Variants in DCHS2 observed in about 807,000 individuals in gnomAD.
The protein encoded by DCHS2 is dachsous cadherin-related 2.
Under a neutral mutation model 182.4 loss-of-function variants are expected in DCHS2, and 142 were observed. The ratio of observed to expected loss-of-function variants is 0.78; its 90% confidence interval spans 0.68 to 0.89. The LOEUF (loss-of-function observed/expected upper bound fraction) is 0.89. Ranked by LOEUF, DCHS2 falls within the 40% of genes least tolerant of loss-of-function variation. DCHS2 has a pLI of 0.00. For missense variants in DCHS2, 4,319 were observed against 4,198.6 expected (o/e 1.03, Z -0.79); for synonymous variants, 1,740 against 1,663.3 (o/e 1.05, Z -1.12).
At chr4:154,355,807 C>G (rs537173923) in intron 3 of DCHS2, 8 of 152,174 alleles carry the variant, frequency 5.3e-5, no homozygotes, top group Admixed American at 2.6e-4. Flanking sequence ...CATTACTCAT[C>G]TGCTTGTGGT....
At chr4:154,450,588 T>A (rs1734490546) in intron 1 of DCHS2, among the ~76,000 whole-genome samples, 1 of 152,100 alleles carries the variant, frequency 6.6e-6, no homozygotes, top group Non-Finnish European at 1.5e-5. Flanking sequence ...ATCCCAGCAC[T>A]TTGGGAGGCC....
At chr4:154,443,718 T>C (rs1287288196) in intron 1 of DCHS2, among the ~76,000 whole-genome samples, 3 of 152,250 alleles carry the variant, frequency 2.0e-5, no homozygotes, top group Non-Finnish European at 4.4e-5. Context: ...AGGATCATTC[T>C]TTCAGTATAC....
chr4:154,318,328 A>G (rs1181695503), intron 9 of DCHS2, among the ~76,000 whole-genome samples: 2 of 151,868 alleles, frequency 1.3e-5, no homozygotes, highest in African/African-American at 4.8e-5. Context: ...TTTTAAGAGA[A>G]AAAAAAGAAA....
chr4:154,245,806 T>C (rs936364772), intron 16 of DCHS2, among the ~76,000 whole-genome samples: 7 of 152,114 alleles, frequency 4.6e-5, no homozygotes, highest in Non-Finnish European at 8.8e-5. Context: ...TTGAAGAGTG[T>C]TTGCAGATGA....
chr4:154,317,438 G>A (rs1421123739), intron 9 of DCHS2, among the ~76,000 whole-genome samples: 1 of 152,124 alleles, frequency 6.6e-6, no homozygotes, highest in Non-Finnish European at 1.5e-5. Context: ...GCATGCCTCA[G>A]AATGAAACCA....
intron 16 of DCHS2, among the ~76,000 whole-genome samples, chr4:154,252,807 T>C (rs1454122543): frequency 1.3e-5 from 2 of 152,184 alleles, no homozygotes; most frequent in African/African-American, 4.8e-5. Flanking sequence ...TAGTGATTTC[T>C]TTTTAGTGGG....
chr4:154,261,859 CT>C (rs544529859), intron 14 of DCHS2: 1 of 152,082 alleles, frequency 6.6e-6, no homozygotes, highest in Non-Finnish European at 1.5e-5. Flanking sequence ...GTAGCTCTAA[CT>C]TTGGGCAGCT....
chr4:154,331,702 G>A (rs1480813582), intron 5 of DCHS2: 32 of 1,613,120 alleles, frequency 2.0e-5, no homozygotes, highest in Non-Finnish European at 2.7e-5. Flanking sequence ...GACATAGATG[G>A]TGCCTGCTGG....
intron 1 of DCHS2, among the ~76,000 whole-genome samples, chr4:154,380,670 G>A (rs887808519): frequency 6.6e-6 from 1 of 152,088 alleles, no homozygotes; most frequent in Non-Finnish European, 1.5e-5. Flanking sequence ...GGAGACAAAA[G>A]TAGGATAAAA....
At chr4:154,353,854 A>T (rs1392064091) in intron 3 of DCHS2, among the ~76,000 whole-genome samples, 1 of 152,212 alleles carries the variant, frequency 6.6e-6, no homozygotes, top group Non-Finnish European at 1.5e-5. Context: ...TTGGGAAAGG[A>T]TCTAAGAATT....
At chr4:154,402,962 A>C (rs1245403534) in intron 1 of DCHS2, among the ~76,000 whole-genome samples, 1 of 152,180 alleles carries the variant, frequency 6.6e-6, no homozygotes, top group Admixed American at 6.5e-5. Flanking sequence ...AATTTTTAAA[A>C]TTTCATTTAC....
rs1394567845 is a variant in DCHS2, at chr4:154,489,653, T to C, written c.1703A>G (p.Glu568Gly). 3.9e-6 allele frequency: 6 copies of C among 1,551,656 alleles called. No homozygotes were observed. Among genetic ancestry groups the C allele is most frequent in the Non-Finnish European group, 5.2e-6 (6 of 1,146,954 alleles). The change falls in exon 1 of 20, where the codon GAG becomes GGG. Residue 568 changes from glutamate (E) to glycine (G), a missense_variant. Coordinates refer to ENST00000357232, the MANE Select transcript of DCHS2 (RefSeq NM_001358235.2). ...CAGCCAGGCGTGATCACTGCCTGCC[T>C]CGTCGGCATCGGAGGCGCTGACCCA... Reference protein sequence around the residue: ...VMWVSASDADEAGSDHAWLRY... With the variant: ...VMWVSASDADGAGSDHAWLRY...
intron 3 of DCHS2, among the ~76,000 whole-genome samples, chr4:154,359,980 GTT>G (rs1008284239): frequency 6.6e-6 from 1 of 150,552 alleles, no homozygotes; most frequent in Non-Finnish European, 1.5e-5. Context: ...CATCTTTAGT[GTT>G]TTTTTTTAAG....
intron 9 of DCHS2, among the ~76,000 whole-genome samples, chr4:154,319,701 G>T (rs1009762446): frequency 6.7e-6 from 1 of 149,486 alleles, no homozygotes; most frequent in African/African-American, 2.4e-5. Context: ...ATTGGTGAGG[G>T]CGTAGAGAAA....
chr4:154,424,206 C>A (rs1047893628), intron 1 of DCHS2, among the ~76,000 whole-genome samples: 1 of 151,954 alleles, frequency 6.6e-6, no homozygotes, highest in African/African-American at 2.4e-5. Flanking sequence ...CTTTGAAAAT[C>A]AAAGAATTCA....
intron 16 of DCHS2, among the ~76,000 whole-genome samples, chr4:154,248,353 TAA>T (rs1479632642): frequency 5.9e-5 from 9 of 152,166 alleles, no homozygotes; most frequent in African/African-American, 1.2e-4. Flanking sequence ...AACAGGAAGT[TAA>T]GAGATAATGT....
intron 1 of DCHS2, among the ~76,000 whole-genome samples, chr4:154,457,769 C>T (rs1734831903): frequency 1.3e-5 from 2 of 152,158 alleles, no homozygotes; most frequent in Admixed American, 1.3e-4. Flanking sequence ...AATTGCTTCT[C>T]TCCCCCGCCT....
At chr4:154,470,412 T>G (rs1041532633) in intron 1 of DCHS2, among the ~76,000 whole-genome samples, 16 of 151,268 alleles carry the variant, frequency 1.1e-4, no homozygotes, top group Non-Finnish European at 1.2e-4. Flanking sequence ...CACTTAAGCC[T>G]AGGAGTTCTA....
At chr4:154,411,020 C>T (rs565642339) in intron 1 of DCHS2, among the ~76,000 whole-genome samples, 131 of 152,280 alleles carry the variant, frequency 8.6e-4, no homozygotes, top group Non-Finnish European at 1.5e-3. Context: ...GTCAAGAATA[C>T]TATACACAGG....
Sources: gnomAD v4.1 joint callset for allele counts (sites outside exome capture counted in the v4.1 genomes callset) on GRCh38, gnomAD v4.1.1 for gene constraint, MANE v1.5 for transcripts, NCBI Gene and HGNC (gene_info 2026-07-23, HGNC 2026-07-21) for gene names.